IFT80: variants seen among roughly 807,000 people sequenced by gnomAD.
IFT80 encodes intraflagellar transport protein 80 homolog.
In IFT80, 79 loss-of-function variants were observed where a neutral mutation model predicts 107.9. The ratio of observed to expected loss-of-function variants is 0.73; its 90% CI spans 0.61 to 0.88. The LOEUF (loss-of-function observed/expected upper bound fraction) is 0.88, where lower values mean the gene tolerates loss of function less well. Ranked by LOEUF, IFT80 falls within the 40% of genes least tolerant of loss-of-function variation. IFT80 has a pLI of 0.00. For synonymous variants in IFT80, 299 were observed against 300.9 expected, an observed-to-expected ratio of 0.99 and a Z score of 0.07; for missense variants, 797 against 914.2, an observed-to-expected ratio of 0.87 and a Z score of 1.65.
chr3:160,285,808 T>C lies in IFT80; in HGVS notation c.1376A>G (p.His459Arg), dbSNP rs1351949409. The change falls in exon 13 of 20, where the codon CAT (histidine) becomes CGT (arginine). Residue 459 changes from histidine to arginine, a missense_variant. Transcript: ENST00000326448. ...KPLGDGKFLS[H>R]KNEILEIALD... ...GAAGTAGTTAATGTCCATTACCTTA[T>C]GAGAAAGAAACTTTCCATCACCTAA... 8 of 1,603,682 alleles carry C rather than the reference T, an allele frequency of 5.0e-6. No individual in the cohort carries two copies. The African/African-American group carries it at 6.7e-5, about 13-fold the overall frequency.
intron 8 of IFT80, among the ~76,000 whole-genome samples, chr3:160,323,923 A>G (rs1180340396): frequency 3.3e-5 from 5 of 152,038 alleles, no homozygotes; most frequent in Non-Finnish European, 7.4e-5. Flanking sequence ...TCAAATAGAT[A>G]CAATAAAAAA....
chr3:160,388,616 A>T (rs1713123912), intron 1 of IFT80, among the ~76,000 whole-genome samples: 1 of 148,660 alleles, frequency 6.7e-6, no homozygotes, highest in East Asian at 1.9e-4. Context: ...ATATTTATGT[A>T]ATTAATAATA....
At chr3:160,398,483 G>A (rs1714047708) in intron 1 of IFT80, among the ~76,000 whole-genome samples, 1 of 152,206 alleles carries the variant, frequency 6.6e-6, no homozygotes, top group African/African-American at 2.4e-5. Context: ...AAATGAGCCA[G>A]TGGCTCTTTA....
chr3:160,291,063 A>G (rs763356883), intron 12 of IFT80, among the ~76,000 whole-genome samples: 2 of 152,204 alleles, frequency 1.3e-5, no homozygotes, highest in Non-Finnish European at 1.5e-5. Context: ...TTTAATATCA[A>G]TCAGTATATG....
At chr3:160,304,138 G>A in intron 10 of IFT80, 149 bp from the exon 11 acceptor site, 1 of 649,250 alleles carries the variant, frequency 1.5e-6, no homozygotes, top group Non-Finnish European at 2.8e-6. Context: ...GCATTGTTCT[G>A]AAATTATTCA....
At chr3:160,366,447 CATAAG>C (rs1264840850) in intron 5 of IFT80, among the ~76,000 whole-genome samples, 2 of 151,826 alleles carry the variant, frequency 1.3e-5, no homozygotes, top group Non-Finnish European at 2.9e-5. Flanking sequence ...TATTGAAATA[CATAAG>C]ATAAAATAAA....
chr3:160,377,629 T>A (rs937901261), intron 3 of IFT80, 89 bp from the exon 4 acceptor site: 2 of 673,174 alleles, frequency 3.0e-6, no homozygotes, highest in Admixed American at 2.6e-5. Context: ...ACTAAAGGCA[T>A]AAAGGCAAAT....
In IFT80 at chr3:160,381,512, TTG is replaced by T; in HGVS notation, c.248_249del (p.Thr83LysfsTer3). On this transcript the variant is annotated frameshift_variant, in exon 3 of 20. Transcript: ENST00000326448. LOFTEE classifies it high-confidence loss of function. ...TTTATTTAAAACTTACCATCAGAAC[TTG>T]TGAGGACAAAGCTTTCTGCCTGGGT... ...KQTQAESFVLTSSDGKFHLIS... is the reference protein window; with the variant it reads ...KQTQAESFVLXSSDGKFHLIS... 2.5e-6 allele frequency: 4 copies of T among 1,612,388 alleles called. No individual in the cohort carries two copies. Among genetic ancestry groups the T allele is most frequent in the Non-Finnish European group, 3.4e-6 (4 of 1,178,560 alleles).
rs551556897 is a variant in IFT80, at chr3:160,371,632, G to A, written c.439+4180C>T. Among the ~76,000 whole-genome samples the A allele has an allele frequency of 4.6e-5, 7 of 152,136 alleles. No homozygotes were observed. The East Asian group carries it at 1.4e-3, about 30-fold the overall frequency. On this transcript the variant is annotated intron_variant, in intron 5 of 19. Transcript: ENST00000326448. ...TAACTTTTGTATTTTTTGTACAGAT[G>A]GGGTTTTCCCATGTTGCCCAGGCTG...
chr3:160,267,753 G>A (rs1449472582), intron 19 of IFT80, among the ~76,000 whole-genome samples: 1 of 152,162 alleles, frequency 6.6e-6, no homozygotes, highest in Admixed American at 6.5e-5. Context: ...TTTATTTAGA[G>A]GTGGGGTCTT....
chr3:160,309,056 C>T (rs1717031351), intron 9 of IFT80, among the ~76,000 whole-genome samples: 1 of 152,166 alleles, frequency 6.6e-6, no homozygotes, highest in African/African-American at 2.4e-5. Flanking sequence ...TGTTTATGAG[C>T]TACCCAGATT....
At chr3:160,336,391 C>T (rs1485450703) in intron 8 of IFT80, among the ~76,000 whole-genome samples, 1 of 152,070 alleles carries the variant, frequency 6.6e-6, no homozygotes, top group African/African-American at 2.4e-5. Flanking sequence ...TTAGGAATTG[C>T]TTTCTAAAAA....
intron 12 of IFT80, among the ~76,000 whole-genome samples, chr3:160,288,119 T>C (rs1177549938): frequency 3.3e-5 from 5 of 152,026 alleles, no homozygotes; most frequent in African/African-American, 1.2e-4. Flanking sequence ...CCGAGGTGGG[T>C]GGATCACAAG....
chr3:160,359,877 T>TA (rs1721370937), intron 6 of IFT80, among the ~76,000 whole-genome samples: 1 of 152,130 alleles, frequency 6.6e-6, no homozygotes, highest in African/African-American at 2.4e-5. Context: ...CAAAGGTAGA[T>TA]AAAACCACAA....
chr3:160,339,254 A>C (rs1281677671), intron 8 of IFT80, among the ~76,000 whole-genome samples: 2 of 152,214 alleles, frequency 1.3e-5, no homozygotes, highest in African/African-American at 4.8e-5. Context: ...TATAGAAATT[A>C]TAGTCAGCCC....
chr3:160,284,242 A>C (rs1714919637), intron 13 of IFT80, among the ~76,000 whole-genome samples: 1 of 152,080 alleles, frequency 6.6e-6, no homozygotes, highest in Non-Finnish European at 1.5e-5. Flanking sequence ...AAATTAGGAA[A>C]TTCTTACACT....
At chr3:160,321,951 C>T (rs1256421388) in intron 8 of IFT80, among the ~76,000 whole-genome samples, 1 of 151,654 alleles carries the variant, frequency 6.6e-6, no homozygotes, top group South Asian at 2.1e-4. Flanking sequence ...TTGCCCTGAG[C>T]ATGCTTGTTT....
At chr3:160,264,717 G>A (rs1713154032) in intron 19 of IFT80, among the ~76,000 whole-genome samples, 1 of 151,914 alleles carries the variant, frequency 6.6e-6, no homozygotes, top group Admixed American at 6.6e-5. Flanking sequence ...TGGGATTATG[G>A]GTGTGAGCCA....
chr3:160,296,668 T>G (rs1716006161), intron 12 of IFT80, among the ~76,000 whole-genome samples: 1 of 152,126 alleles, frequency 6.6e-6, no homozygotes, highest in Non-Finnish European at 1.5e-5. Flanking sequence ...TCCTACCCAT[T>G]CTTCAACCTA....
Sources: allele counts gnomAD v4.1 joint callset (sites outside exome capture counted in the v4.1 genomes callset), GRCh38; gene constraint gnomAD v4.1.1; transcripts MANE v1.5; gene names NCBI Gene and HGNC (gene_info 2026-07-23, HGNC 2026-07-21).